The following KIF1B variants were observed in gnomAD, a reference collection of about 807,000 sequenced individuals.
KIF1B encodes the protein kinesin-like protein KIF1B.
In KIF1B, 76 loss-of-function variants were observed where a neutral mutation model predicts 241.9. The ratio of observed to expected loss-of-function variants is 0.31; its 90% CI spans 0.26 to 0.38. KIF1B has a LOEUF of 0.38. Among genes scored for constraint, KIF1B ranks in the 10% least tolerant of loss-of-function variants. KIF1B has a pLI of 1.00. For synonymous variants in KIF1B, 750 were observed against 796.7 expected, an observed-to-expected ratio of 0.94 and a Z score of 0.99; for missense variants, 1,622 against 2,271.4, an observed-to-expected ratio of 0.71 and a Z score of 5.81.
intron 14 of KIF1B, among the ~76,000 whole-genome samples, chr1:10,280,301 C>G (rs1051485920): frequency 7.2e-5 from 11 of 151,830 alleles, no homozygotes; most frequent in African/African-American, 2.4e-4. Flanking sequence ...GTGGCGGAAT[C>G]TCGGCTCACT....
chr1:10,291,924 G>C, intron 16 of KIF1B, 123 bp from the exon 17 acceptor site: 2 of 766,894 alleles, frequency 2.6e-6, no homozygotes, highest in Non-Finnish European at 4.7e-6. Context: ...TTTTATGTTT[G>C]CATTATTGGC....
At position 10,258,646 on chromosome 1, in the gene KIF1B, G is replaced by A. The variant is rs746945770; in HGVS notation, c.337G>A (p.Glu113Lys). The A allele has an allele frequency of 6.2e-7, 1 of 1,614,098 alleles. No homozygotes were observed. Among genetic ancestry groups the A allele is most frequent in the Non-Finnish European group, 8.5e-7 (1 of 1,180,000 alleles). The part of the protein sequence containing the change: ...KSYTMMGKQE[E>K]SQAGIIPQLC... ...TTATACAATGATGGGTAAACAAGAA[G>A]AAAGCCAGGCTGGCATCATTCCACA... The change falls in exon 4 of 49, where the codon GAA becomes AAA. Residue 113 changes from glutamate to lysine, a missense_variant. Around this residue, in one of 7 missense-constraint regions of KIF1B, gnomAD observed 156 missense variants for 244.8 expected, o/e 0.64. Transcript: ENST00000676179.
chr1:10,268,625 CTTTT>C (rs5772405), intron 7 of KIF1B, among the ~76,000 whole-genome samples: 4 of 130,036 alleles, frequency 3.1e-5, no homozygotes, highest in Admixed American at 7.6e-5. Flanking sequence ...TATGTGTATT[CTTTT>C]TTTTTTTTTT....
chr1:10,320,086 C>T lies in KIF1B; in HGVS notation c.2159C>T (p.Thr720Ile), dbSNP rs41274468. Residue 720 changes from threonine (T) to isoleucine (I), a missense_variant, in exon 23 of 49, where the codon ACC becomes ATC. Thr to Ile is a moderately conservative substitution (Grantham distance 89). This residue lies in a region of KIF1B where 803 missense variants were observed against 1,112.0 expected (regional missense o/e 0.72). Transcript: ENST00000676179. The part of the protein sequence containing the change: ...KLQALQKQVE[T>I]RSLAAETTEE... ...CAGGCCTTGCAGAAGCAGGTTGAAA[C>T]CCGATCTCTGGCTGCAGAAACAACT... 645 of 1,613,826 alleles carry T rather than the reference C, an allele frequency of 4.0e-4. No homozygotes were observed. The highest frequency in any genetic ancestry group is 5.2e-4 in the Non-Finnish European group (613 of 1,179,822).
rs575905826 is a variant in KIF1B, at chr1:10,348,149, T to C, written c.3864+322T>C. On this transcript the variant is annotated intron_variant, in intron 36 of 48. Transcript: ENST00000676179. The stretch of plus-strand genomic sequence containing the variant: ...TTCGTGATGTTTGGAAGCTCTGTGC[T>C]TTCACACCAGAAGTTCTTAATAGGA... Among the ~76,000 whole-genome samples, 6 of 152,338 alleles carry C rather than the reference T, an allele frequency of 3.9e-5. No individual in the cohort carries two copies. The South Asian group carries it at 1.2e-3, about 32-fold the overall frequency.
At chr1:10,225,013 A>G (rs1646892586) in intron 1 of KIF1B, among the ~76,000 whole-genome samples, 2 of 152,292 alleles carry the variant, frequency 1.3e-5, no homozygotes, top group Non-Finnish European at 1.5e-5. Flanking sequence ...AGTTCACAGT[A>G]ATGTTTGCAC....
At chr1:10,258,754 C>G (rs1006793259) in intron 4 of KIF1B, 82 bp downstream of exon 4, 2 of 1,377,844 alleles carry the variant, frequency 1.5e-6, no homozygotes, top group East Asian at 4.7e-5. Context: ...TTTTATTTGG[C>G]GAACATTTAT....
At chr1:10,263,863 T>C (rs12757288) in intron 5 of KIF1B, among the ~76,000 whole-genome samples, 51,436 of 151,960 alleles carry the variant, frequency 0.34, 8,871 homozygotes, top group Admixed American at 0.38. Context: ...TCTCTACCTG[T>C]CTCTTCTACT....
intron 4 of KIF1B, among the ~76,000 whole-genome samples, chr1:10,260,398 G>A (rs1219847605): frequency 1.3e-5 from 2 of 152,186 alleles, no homozygotes; most frequent in Non-Finnish European, 2.9e-5. Context: ...CTAGGACATT[G>A]CTTTGCAGTA....
rs1325137173 is a variant in KIF1B at position 10,232,230 on chromosome 1, G to C, written c.-79-20G>C. On this transcript the variant is annotated intron_variant, in intron 1 of 48. Transcript: ENST00000676179. The stretch of plus-strand genomic sequence containing the variant: ...GCTTTAATTCTGACTACCTCATATG[G>C]AATTTTTTTCTTTTCAAAGGAAACT... 7 of 849,048 alleles carry C rather than the reference G, an allele frequency of 8.2e-6. No individual in the cohort carries two copies. The highest frequency in any genetic ancestry group is 2.2e-4 in the Middle Eastern group (1 of 4,516). The allele number at this position is 849,048 out of a possible 1,614,324, so 52.6% of individuals were successfully genotyped here.
intron 2 of KIF1B, among the ~76,000 whole-genome samples, chr1:10,239,778 T>C (rs1647108870): frequency 6.6e-6 from 1 of 151,904 alleles, no homozygotes; most frequent in East Asian, 1.9e-4. Context: ...TGGCTAATTT[T>C]TTTTTGAGAT....
intron 22 of KIF1B, chr1:10,304,007 T>C (rs759103579): frequency 2.5e-6 from 4 of 1,610,376 alleles, no homozygotes; most frequent in African/African-American, 2.7e-5. Context: ...ACAAAGCAGC[T>C]TCGTCGGCAG....
intron 45 of KIF1B, among the ~76,000 whole-genome samples, chr1:10,373,165 T>C (rs1638793237): frequency 1.3e-5 from 2 of 151,544 alleles, no homozygotes; most frequent in South Asian, 4.2e-4. Flanking sequence ...TTCACCGTGT[T>C]AGCCAGGATG....
At position 10,306,273 on chromosome 1, in the gene KIF1B, A is replaced by G. The variant is rs995419265; in HGVS notation, c.2115+9027A>G. The G allele has an allele frequency of 6.7e-6, 7 of 1,044,080 alleles. No homozygotes were observed. The Admixed American group carries it at 2.8e-4, about 42-fold the overall frequency. 64.7% of individuals were successfully genotyped at this position (1,044,080 alleles called of 1,614,324 possible). On this transcript the variant is annotated intron_variant, in intron 22 of 48. Transcript: ENST00000676179. ...TAGACATGGGTAAATGATGTCTGTA[A>G]TGGGTTGAGTTACTGAGATGACAAT... is the stretch of plus-strand genomic sequence containing the variant.
intron 2 of KIF1B, among the ~76,000 whole-genome samples, chr1:10,234,967 G>T (rs1447024667): frequency 6.6e-6 from 1 of 150,868 alleles, no homozygotes; most frequent in African/African-American, 2.4e-5. Context: ...CTCCTGATCT[G>T]AAACCTCTGC....
rs1472569922 is a variant in KIF1B, at chr1:10,379,951, A to G, written c.*3364A>G. The G allele has an allele frequency of 8.7e-6, 2 of 229,482 alleles. No individual in the cohort carries two copies. The highest frequency in any genetic ancestry group is 1.1e-4 in the Admixed American group (2 of 17,614). 14.2% of individuals were successfully genotyped at this position (229,482 alleles called of 1,614,324 possible). ...CTCGTTGTTAAACGTGCTGACGGCA[A>G]GGGGCAATGGAGTGAGTTTCCCAAC... On this transcript the variant is annotated 3_prime_UTR_variant, in exon 49 of 49. Transcript: ENST00000676179.
intron 31 of KIF1B, among the ~76,000 whole-genome samples, chr1:10,339,415 T>C (rs1180818271): frequency 1.3e-5 from 2 of 152,202 alleles, no homozygotes; most frequent in African/African-American, 4.8e-5. Flanking sequence ...GAAGCTTGAG[T>C]CTGCTAAATT....
At chr1:10,251,880 G>T (rs916722402) in intron 2 of KIF1B, among the ~76,000 whole-genome samples, 2 of 152,102 alleles carry the variant, frequency 1.3e-5, no homozygotes, top group Non-Finnish European at 2.9e-5. Flanking sequence ...CAGAGGGCAT[G>T]CCTTGTGTCA....
In KIF1B at chr1:10,303,547, G is replaced by A. The variant is rs756729733; in HGVS notation, c.2115+6301G>A. 1 of 1,614,234 alleles carries A rather than the reference G, an allele frequency of 6.2e-7. No homozygotes were observed. Among genetic ancestry groups the A allele is most frequent in the South Asian group, 1.1e-5 (1 of 91,078 alleles). Reference sequence around the variant, plus strand: ...CAATGAGCGGGACTCCTGGAGGGCAGTGGCCAGGGACGTCTGGGATACCGT... The same window carrying A: ...CAATGAGCGGGACTCCTGGAGGGCAATGGCCAGGGACGTCTGGGATACCGT... On this transcript the variant is annotated intron_variant, in intron 22 of 48. Transcript: ENST00000676179. The surrounding 1 kb of genome is among the most constrained non-coding windows in gnomAD (Gnocchi z 5.2).
Sources: allele counts gnomAD v4.1 joint callset (sites outside exome capture counted in the v4.1 genomes callset), GRCh38; gene constraint gnomAD v4.1.1; regional missense constraint gnomAD v4.1.1; non-coding constraint Gnocchi (gnomAD v3.1); transcripts MANE v1.5; gene names NCBI Gene and HGNC (gene_info 2026-07-23, HGNC 2026-07-21).